The following ADCY2 variants were observed in gnomAD, a reference collection of about 807,000 sequenced individuals.
The protein encoded by ADCY2 is adenylate cyclase type 2.
ADCY2 carries 31 observed loss-of-function variants against 125.2 expected under a neutral mutation model. The ratio of observed to expected loss-of-function variants is 0.25; its 90% CI spans 0.19 to 0.33. The LOEUF is 0.33. Among genes scored for constraint, ADCY2 ranks in the 10% least tolerant of loss-of-function variants. The probability of loss-of-function intolerance (pLI) is 1.00; values close to 1 mark genes in which losing one functional copy is unlikely to be tolerated. For missense variants in ADCY2, 904 were observed against 1,418.2 expected, an observed-to-expected ratio of 0.64 and a Z score of 5.82; for synonymous variants, 512 against 548.4, an observed-to-expected ratio of 0.93 and a Z score of 0.93.
At chr5:7,803,903 T>C (rs565966213) in intron 21 of ADCY2, among the ~76,000 whole-genome samples, 2 of 148,026 alleles carry the variant, frequency 1.4e-5, no homozygotes, top group East Asian at 3.9e-4. Context: ...CTGTCTCGAA[T>C]ATATATATAT....
Position 7,396,364 on chromosome 5 carries a change from G to T in ADCY2, c.68G>T (p.Gly23Val). 6.4e-7 allele frequency: 1 copy of T among 1,553,572 alleles called. No individual in the cohort carries two copies. Among genetic ancestry groups the T allele is most frequent in the Non-Finnish European group, 8.7e-7 (1 of 1,151,306 alleles). ...CGCTCCGAGGAGGCGGCGGGCGGCG[G>T]AGACGGGCTGCCGCGGTCCCGGGAC... The part of the protein sequence containing the change: ...RDRSEEAAGG[G>V]DGLPRSRDWL... The change falls in exon 1 of 25, where the codon GGA (glycine) becomes GTA (valine). Residue 23 changes from glycine (G) to valine (V), a missense_variant. Gly to Val is a moderately radical substitution (Grantham distance 109, BLOSUM62 -3). Transcript: ENST00000338316. This position sits in a 1 kb window ranked among gnomAD's most constrained non-coding sequence, Gnocchi z 5.7.
intron 3 of ADCY2, among the ~76,000 whole-genome samples, chr5:7,564,011 A>G (rs768052562): frequency 3.9e-5 from 6 of 152,218 alleles, no homozygotes; most frequent in Non-Finnish European, 4.4e-5. Context: ...GTCACATGCA[A>G]TGCTTATGTC....
intron 18 of ADCY2, among the ~76,000 whole-genome samples, chr5:7,775,175 T>TG (rs1743680201): frequency 2.1e-5 from 3 of 146,154 alleles, no homozygotes; most frequent in Admixed American, 6.9e-5. Context: ...CCCAGCTACT[T>TG]TGTGTGTGTG....
chr5:7,430,295 A>G (rs180682202), intron 2 of ADCY2, among the ~76,000 whole-genome samples: 35 of 152,034 alleles, frequency 2.3e-4, no homozygotes, highest in African/African-American at 8.2e-4. Context: ...AAGTAATCTC[A>G]ATTCTACAGA....
rs1312424778 is a variant in ADCY2 at position 7,444,942 on chromosome 5, T to C, written c.408+30172T>C. On this transcript the variant is annotated intron_variant, in intron 2 of 24. Coordinates refer to ENST00000338316, the MANE Select transcript of ADCY2 (RefSeq NM_020546.3). ...TGTTTGTTTGTGGTCTTGCCCGTTA[T>C]TGGATTAGGTTGTTCTCCAGTTTTA... Among the ~76,000 whole-genome samples the C allele has an allele frequency of 2.0e-5, 3 of 152,352 alleles. 1 individual carries two copies. Among genetic ancestry groups the C allele is most frequent in the Non-Finnish European group, 2.9e-5 (2 of 68,040 alleles).
rs371326320 is a variant in ADCY2, at chr5:7,709,409, A to G, written c.1578+22A>G. On this transcript the variant is annotated intron_variant, in intron 10 of 24. Transcript: ENST00000338316. This position sits in a 1 kb window ranked among gnomAD's most constrained non-coding sequence, Gnocchi z 4.4. ...CACGGTATGCCCTCCCCTGCCTCCAATGCCTGAGCACTGGGGGAAAGCTAA... is the reference window on the plus strand; with the variant it reads ...CACGGTATGCCCTCCCCTGCCTCCAGTGCCTGAGCACTGGGGGAAAGCTAA... 1,121 of 1,550,182 alleles carry G rather than the reference A, an allele frequency of 7.2e-4. 21 individuals carry two copies. In the South Asian group the frequency reaches 0.013, roughly 17 times the overall value.
intron 2 of ADCY2, among the ~76,000 whole-genome samples, chr5:7,431,115 G>T (rs1251084538): frequency 6.6e-6 from 1 of 152,132 alleles, no homozygotes; most frequent in Non-Finnish European, 1.5e-5. Context: ...GCAGGACATG[G>T]AGATCTTACC....
intron 18 of ADCY2, among the ~76,000 whole-genome samples, chr5:7,773,381 G>A (rs1054741664): frequency 3.3e-5 from 5 of 152,128 alleles, no homozygotes; most frequent in South Asian, 2.1e-4. Flanking sequence ...TAAGATTGTC[G>A]ACCTCAGCAC....
chr5:7,762,399 C>A (rs1435723807), intron 16 of ADCY2, among the ~76,000 whole-genome samples: 2 of 152,192 alleles, frequency 1.3e-5, no homozygotes, highest in Admixed American at 6.5e-5. Flanking sequence ...CTGCAGATGC[C>A]CTGGGCCCCT....
intron 2 of ADCY2, among the ~76,000 whole-genome samples, chr5:7,457,888 G>A (rs1161421749): frequency 6.6e-6 from 1 of 152,192 alleles, no homozygotes; most frequent in Non-Finnish European, 1.5e-5. Context: ...GTTTGCAAAA[G>A]TAAAATAAAT....
intron 2 of ADCY2, among the ~76,000 whole-genome samples, chr5:7,509,035 T>C (rs1390983087): frequency 6.6e-6 from 1 of 152,188 alleles, no homozygotes; most frequent in Admixed American, 6.5e-5. Flanking sequence ...CTAAACAAAT[T>C]AGGCTTTCAG....
chr5:7,806,602 GGAGA>G (rs144376451), intron 22 of ADCY2, among the ~76,000 whole-genome samples: 1 of 151,550 alleles, frequency 6.6e-6, no homozygotes, highest in Admixed American at 6.6e-5. Flanking sequence ...CCCATGGAGG[GGAGA>G]GAGAGAGAGA....
Position 7,826,984 on chromosome 5 carries a change from C to G in ADCY2, c.*113C>G, listed in dbSNP as rs979627626. 2.3e-6 allele frequency: 3 copies of G among 1,306,234 alleles called. No homozygotes were observed. The highest frequency in any genetic ancestry group is 3.1e-6 in the Non-Finnish European group (3 of 955,392). The allele number at this position is 1,306,234 out of a possible 1,614,324, so 80.9% of individuals were successfully genotyped here. On this transcript the variant is annotated 3_prime_UTR_variant, in exon 25 of 25. Coordinates refer to ENST00000338316, the MANE Select transcript of ADCY2 (RefSeq NM_020546.3). ...TGTGCGTGCTGTCTGTCCTATGGAG[C>G]CTCTGCAGACTCGTTCTCGTGACCC...
chr5:7,448,877 T>C (rs1290878236), intron 2 of ADCY2, among the ~76,000 whole-genome samples: 2 of 152,230 alleles, frequency 1.3e-5, no homozygotes, highest in Non-Finnish European at 2.9e-5. Context: ...CAGTCTATCA[T>C]TGATGGGCAT....
At chr5:7,463,539 G>A (rs1741992149) in intron 2 of ADCY2, among the ~76,000 whole-genome samples, 1 of 149,538 alleles carries the variant, frequency 6.7e-6, no homozygotes, top group South Asian at 2.1e-4. Flanking sequence ...CCAAAGCTCA[G>A]ATTTTTCTAC....
chr5:7,745,290 C>G (rs570311550), intron 15 of ADCY2, among the ~76,000 whole-genome samples: 1 of 152,164 alleles, frequency 6.6e-6, no homozygotes, highest in South Asian at 2.1e-4. Flanking sequence ...TTTCCGCAGT[C>G]GACTGTAAGC....
chr5:7,711,503 T>G (rs1741439797), intron 10 of ADCY2, among the ~76,000 whole-genome samples: 1 of 152,214 alleles, frequency 6.6e-6, no homozygotes, highest in Non-Finnish European at 1.5e-5. Context: ...GTTTTTCATG[T>G]GTTCCTGTGG....
At chr5:7,479,106 G>A (rs975432733) in intron 2 of ADCY2, among the ~76,000 whole-genome samples, 11 of 152,202 alleles carry the variant, frequency 7.2e-5, no homozygotes, top group African/African-American at 2.4e-4. Flanking sequence ...GGAATCTAAA[G>A]TAGATTATTA....
chr5:7,511,106 T>G (rs903153417), intron 2 of ADCY2, among the ~76,000 whole-genome samples: 3 of 152,122 alleles, frequency 2.0e-5, no homozygotes, highest in East Asian at 3.9e-4. Context: ...CAGCAAATCT[T>G]CATTGAGGTT....
Sources: gnomAD v4.1 joint callset for allele counts (sites outside exome capture counted in the v4.1 genomes callset) on GRCh38, gnomAD v4.1.1 for gene constraint, Gnocchi (gnomAD v3.1) non-coding constraint, MANE v1.5 for transcripts, NCBI Gene and HGNC (gene_info 2026-07-23, HGNC 2026-07-21) for gene names.